ADGRL2: variants seen among roughly 807,000 people sequenced by gnomAD.
ADGRL2 encodes calcium-independent alpha-latrotoxin receptor 2.
In ADGRL2, 44 loss-of-function variants were observed where a neutral mutation model predicts 157.4. The ratio of observed to expected loss-of-function variants is 0.28; its 90% CI spans 0.22 to 0.36. The LOEUF (loss-of-function observed/expected upper bound fraction) is 0.36. Among genes scored for constraint, ADGRL2 ranks in the 10% least tolerant of loss-of-function variants. The pLI is 1.00. For synonymous variants in ADGRL2, 585 were observed against 624.7 expected (o/e 0.94, Z 0.95); for missense variants, 1,510 against 1,768.9 (o/e 0.85, Z 2.63).
intron 21 of ADGRL2, among the ~76,000 whole-genome samples, chr1:81,985,764 G>A (rs1337920856): frequency 6.6e-6 from 1 of 151,918 alleles, no homozygotes; most frequent in African/African-American, 2.4e-5. Context: ...TGTGTCTACA[G>A]TGGCATCTTT....
intron 3 of ADGRL2, among the ~76,000 whole-genome samples, chr1:81,616,491 T>C (rs2081648947): frequency 6.6e-6 from 1 of 152,072 alleles, no homozygotes; most frequent in Non-Finnish European, 1.5e-5. Flanking sequence ...TGTAGAATCT[T>C]TTTCAGAAAA....
chr1:81,914,952 A>G (rs2094820564), intron 3 of ADGRL2, among the ~76,000 whole-genome samples: 1 of 152,228 alleles, frequency 6.6e-6, no homozygotes. Flanking sequence ...CTTATTAAAC[A>G]TTCACATTTA....
chr1:81,439,432 G>A (rs1365209238), intron 1 of ADGRL2, among the ~76,000 whole-genome samples: 3 of 152,202 alleles, frequency 2.0e-5, no homozygotes, highest in South Asian at 4.1e-4. Flanking sequence ...AGTTAATAAC[G>A]AAACCTACTG....
intron 3 of ADGRL2, among the ~76,000 whole-genome samples, chr1:81,642,123 C>T (rs12130797): frequency 0.24 from 36,098 of 150,992 alleles, 4,922 homozygotes; most frequent in Non-Finnish European, 0.32. Context: ...TGGTGGGCAC[C>T]GGTAGTACCA....
At chr1:81,345,175 C>T (rs1393831789) in intron 1 of ADGRL2, among the ~76,000 whole-genome samples, 1 of 152,192 alleles carries the variant, frequency 6.6e-6, no homozygotes, top group Non-Finnish European at 1.5e-5. Context: ...ATGACCCAGC[C>T]TTAGAACTCA....
At chr1:81,705,754 A>G (rs570754662) in intron 1 of ADGRL2, among the ~76,000 whole-genome samples, 3 of 151,738 alleles carry the variant, frequency 2.0e-5, no homozygotes, top group South Asian at 4.2e-4. Flanking sequence ...ACCGCTATAA[A>G]AAATTTAAAA....
At chr1:81,906,969 A>G (rs754777441) in intron 2 of ADGRL2, 48 bp from the exon 3 acceptor site, 3 of 1,413,358 alleles carry the variant, frequency 2.1e-6, no homozygotes, top group South Asian at 2.4e-5. Context: ...AAAATAATTT[A>G]TCTTATAAAT....
intron 1 of ADGRL2, among the ~76,000 whole-genome samples, chr1:81,737,214 A>C (rs116545626): frequency 0.07 from 10,639 of 152,284 alleles, 471 homozygotes; most frequent in Non-Finnish European, 0.097. Flanking sequence ...CATGCTATAA[A>C]GAACTACCTG....
chr1:81,514,339 C>A (rs189980562), intron 2 of ADGRL2, among the ~76,000 whole-genome samples: 10 of 152,202 alleles, frequency 6.6e-5, no homozygotes, highest in Admixed American at 6.5e-4. Flanking sequence ...CTAGGCTCTT[C>A]CACTGATTAG....
At chr1:81,483,959 T>C (rs1257149624) in intron 2 of ADGRL2, among the ~76,000 whole-genome samples, 3 of 152,138 alleles carry the variant, frequency 2.0e-5, no homozygotes, top group Admixed American at 6.6e-5. Context: ...TAAAACAACT[T>C]TGTGGCTATG....
At chr1:81,326,794 T>C (rs1281875180) in intron 1 of ADGRL2, among the ~76,000 whole-genome samples, 1 of 152,196 alleles carries the variant, frequency 6.6e-6, no homozygotes, top group Admixed American at 6.5e-5. Context: ...AAGAATTCTA[T>C]TTAGACTTTC....
At chr1:81,983,404 G>A (rs1662212874) in intron 19 of ADGRL2, among the ~76,000 whole-genome samples, 1 of 151,932 alleles carries the variant, frequency 6.6e-6, no homozygotes, top group South Asian at 2.1e-4. Context: ...CAACCACATT[G>A]TTATTTGTTC....
intron 1 of ADGRL2, among the ~76,000 whole-genome samples, chr1:81,760,574 T>C (rs17425700): frequency 0.013 from 2,040 of 152,170 alleles, 21 homozygotes; most frequent in Middle Eastern, 0.037. Flanking sequence ...TATTATATCA[T>C]GGGGATAGAC....
intron 2 of ADGRL2, among the ~76,000 whole-genome samples, chr1:81,889,634 C>T (rs910198953): frequency 6.6e-6 from 1 of 152,172 alleles, no homozygotes; most frequent in African/African-American, 2.4e-5. Flanking sequence ...GAAGATCTAG[C>T]TAAGATCATT....
At chr1:81,413,875 T>G (rs2076991028) in intron 1 of ADGRL2, among the ~76,000 whole-genome samples, 2 of 152,266 alleles carry the variant, frequency 1.3e-5, no homozygotes, top group East Asian at 1.9e-4. Flanking sequence ...ACTGTGGAAG[T>G]GTACCAAAAA....
At chr1:81,622,392 C>G (rs778841228) in intron 3 of ADGRL2, among the ~76,000 whole-genome samples, 1 of 151,722 alleles carries the variant, frequency 6.6e-6, no homozygotes, top group Non-Finnish European at 1.5e-5. Context: ...ACCATCCTGG[C>G]CAACGTGGTG....
At chr1:81,813,198 C>T (rs927043223) in intron 1 of ADGRL2, among the ~76,000 whole-genome samples, 2 of 150,746 alleles carry the variant, frequency 1.3e-5, no homozygotes, top group Non-Finnish European at 3.0e-5. Flanking sequence ...GGTATAGTAA[C>T]ATTATTTTAG....
chr1:81,694,602 T>C, intron 3 of ADGRL2, among the ~76,000 whole-genome samples: 1 of 152,128 alleles, frequency 6.6e-6, no homozygotes, highest in Admixed American at 6.6e-5. Context: ...ATCTCAAACC[T>C]AATATGCCTT....
At chr1:81,890,316 A>G (rs181171967) in intron 2 of ADGRL2, among the ~76,000 whole-genome samples, 1 of 152,346 alleles carries the variant, frequency 6.6e-6, no homozygotes, top group East Asian at 1.9e-4. Flanking sequence ...TAAACAGATT[A>G]ACTTTGTTAT....
Sources: gnomAD v4.1 joint callset for allele counts (sites outside exome capture counted in the v4.1 genomes callset) on GRCh38, gnomAD v4.1.1 for gene constraint, MANE v1.5 for transcripts, NCBI Gene and HGNC (gene_info 2026-07-23, HGNC 2026-07-21) for gene names.